The following R3HDM1 variants were observed in gnomAD, a reference collection of about 807,000 sequenced individuals.
R3HDM1 encodes the protein R3H domain containing 1.
R3HDM1 carries 46 observed loss-of-function variants against 141.1 expected under a neutral mutation model. The observed-to-expected ratio is 0.33, with a 90% CI of 0.26 to 0.42. The LOEUF (loss-of-function observed/expected upper bound fraction) is 0.42. Among genes scored for constraint, R3HDM1 ranks in the 10% least tolerant of loss-of-function variants. The probability of loss-of-function intolerance (pLI) is 1.00; values close to 1 mark genes in which losing one functional copy is unlikely to be tolerated. For synonymous variants in R3HDM1, 435 were observed against 472.9 expected (o/e 0.92, Z 1.04); for missense variants, 1,184 against 1,368.3 (o/e 0.87, Z 2.12).
intron 21 of R3HDM1, among the ~76,000 whole-genome samples, chr2:135,683,178 A>G (rs1559426123): frequency 6.6e-6 from 1 of 152,180 alleles, no homozygotes; most frequent in Non-Finnish European, 1.5e-5. Flanking sequence ...TTGTACGTGA[A>G]GCAGGGAATG....
At chr2:135,683,201 G>C (rs1297252305) in intron 21 of R3HDM1, among the ~76,000 whole-genome samples, 2 of 152,116 alleles carry the variant, frequency 1.3e-5, no homozygotes, top group East Asian at 3.9e-4. Flanking sequence ...TATTCTGTCA[G>C]ACTCATCTTG....
intron 24 of R3HDM1, among the ~76,000 whole-genome samples, chr2:135,718,950 A>T (rs926678620): frequency 2.0e-5 from 3 of 152,086 alleles, no homozygotes; most frequent in Non-Finnish European, 4.4e-5. Flanking sequence ...GTTTGAGACC[A>T]GCCTGAAACA....
rs2059710979 is a variant in R3HDM1 at position 135,602,631 on chromosome 2, A to G, written c.-118A>G. ...CACTACAGTTGACATCCTGGCTGAC[A>G]ACTGTGAAAAAGAACCTTGGATTAT... On this transcript the variant is annotated 5_prime_UTR_variant, in exon 2 of 27. Coordinates refer to ENST00000683871, the MANE Select transcript of R3HDM1 (RefSeq NM_001378107.1). 1.3e-6 allele frequency: 2 copies of G among 1,548,242 alleles called. No individual in the cohort carries two copies. The highest frequency in any genetic ancestry group is 2.5e-5 in the East Asian group (1 of 40,790).
At chr2:135,563,307 C>T (rs1162617372) in intron 1 of R3HDM1, among the ~76,000 whole-genome samples, 1 of 152,136 alleles carries the variant, frequency 6.6e-6, no homozygotes, top group African/African-American at 2.4e-5. Flanking sequence ...CAAGAAAAAT[C>T]TTCTTTTTTC....
Position 135,622,543 on chromosome 2 carries a change from T to C in R3HDM1, c.419-111T>C, listed in dbSNP as rs564166039. 3.4e-4 allele frequency: 457 copies of C among 1,359,432 alleles called. 7 individuals carry two copies. The South Asian group carries it at 8.4e-3, about 25-fold the overall frequency. 84.2% of individuals were successfully genotyped at this position (1,359,432 alleles called of 1,614,324 possible). On this transcript the variant is annotated intron_variant, in intron 6 of 26. Transcript: ENST00000683871. ...CTTTTCCTACTTTGTCGAATTTTTT[T>C]CAATGTGGGGCATCTTGTTTTATTT...
At chr2:135,630,143 G>A (rs995406470) in intron 7 of R3HDM1, among the ~76,000 whole-genome samples, 6 of 151,332 alleles carry the variant, frequency 4.0e-5, no homozygotes, top group African/African-American at 1.5e-4. Flanking sequence ...CTGGCGTGGT[G>A]GTGCATGCCT....
intron 11 of R3HDM1, among the ~76,000 whole-genome samples, chr2:135,637,246 G>A (rs944343587): frequency 1.2e-4 from 18 of 152,180 alleles, no homozygotes; most frequent in African/African-American, 4.3e-4. Context: ...GGGAAGGGAT[G>A]GGAGAGTTAG....
chr2:135,662,256 A>T (rs1181380138), intron 19 of R3HDM1, among the ~76,000 whole-genome samples: 2 of 152,210 alleles, frequency 1.3e-5, no homozygotes, highest in East Asian at 3.8e-4. Flanking sequence ...AGGAACCCAT[A>T]ACCTCCACCT....
At chr2:135,608,323 T>C (rs2060254508) in intron 3 of R3HDM1, among the ~76,000 whole-genome samples, 1 of 150,808 alleles carries the variant, frequency 6.6e-6, no homozygotes, top group Non-Finnish European at 1.5e-5. Flanking sequence ...CTCAAAATAA[T>C]AATAATAATA....
At chr2:135,613,298 A>G (rs1052019927) in intron 3 of R3HDM1, among the ~76,000 whole-genome samples, 1 of 152,036 alleles carries the variant, frequency 6.6e-6, no homozygotes, top group Non-Finnish European at 1.5e-5. Flanking sequence ...AGTAAAGGCC[A>G]CTCTGTTCTG....
At chr2:135,709,899 A>G (rs1424683683) in intron 22 of R3HDM1, among the ~76,000 whole-genome samples, 160 bp from the exon 23 acceptor site, 2 of 152,228 alleles carry the variant, frequency 1.3e-5, no homozygotes, top group African/African-American at 4.8e-5. Context: ...TAAACACACA[A>G]TACTTGTAGT....
intron 21 of R3HDM1, among the ~76,000 whole-genome samples, chr2:135,702,217 GAAAAAAAAAAAAAAA>G (rs35183953): frequency 1.7e-5 from 2 of 120,868 alleles, no homozygotes; most frequent in East Asian, 6.6e-4. Flanking sequence ...GTCTCAGGGG[GAAAAAAAAAAAAAAA>G]AAAAAAAAGG....
chr2:135,699,232 C>T (rs2073897437), intron 21 of R3HDM1, among the ~76,000 whole-genome samples: 1 of 152,070 alleles, frequency 6.6e-6, no homozygotes, highest in South Asian at 2.1e-4. Flanking sequence ...TAGAGACAGC[C>T]TTTGAAGAGA....
At chr2:135,555,901 A>G (rs1700666802) in intron 1 of R3HDM1, among the ~76,000 whole-genome samples, 1 of 152,152 alleles carries the variant, frequency 6.6e-6, no homozygotes, top group African/African-American at 2.4e-5. Flanking sequence ...TTGTGGTCCC[A>G]GCTACGTGGG....
chr2:135,533,129 G>A (rs1411575657), intron 1 of R3HDM1, among the ~76,000 whole-genome samples: 2 of 152,090 alleles, frequency 1.3e-5, no homozygotes, highest in African/African-American at 4.8e-5. Flanking sequence ...GGTCCTGGAG[G>A]AAATTTGTGG....
chr2:135,620,214 GAT>G (rs2061409939), intron 5 of R3HDM1: 1 of 839,672 alleles, frequency 1.2e-6, no homozygotes, highest in Non-Finnish European at 1.4e-6. Context: ...TCCCAGCCTG[GAT>G]TTCACTGGGT....
intron 21 of R3HDM1, among the ~76,000 whole-genome samples, chr2:135,691,629 T>C (rs2072396596): frequency 6.6e-6 from 1 of 151,852 alleles, no homozygotes; most frequent in Non-Finnish European, 1.5e-5. Flanking sequence ...AGATTTTCTT[T>C]TTAAATTAAA....
intron 1 of R3HDM1, among the ~76,000 whole-genome samples, chr2:135,585,198 C>G (rs1424389072): frequency 6.6e-6 from 1 of 152,052 alleles, no homozygotes; most frequent in African/African-American, 2.4e-5. Context: ...TTGTGGATTT[C>G]TATGTATTTT....
At chr2:135,560,687 A>T (rs898164329) in intron 1 of R3HDM1, among the ~76,000 whole-genome samples, 2 of 152,244 alleles carry the variant, frequency 1.3e-5, no homozygotes, top group African/African-American at 4.8e-5. Context: ...AATAAAAAAT[A>T]TACAAGTTGT....
Sources: gnomAD v4.1 joint callset for allele counts (sites outside exome capture counted in the v4.1 genomes callset) on GRCh38, gnomAD v4.1.1 for gene constraint, MANE v1.5 for transcripts, NCBI Gene and HGNC (gene_info 2026-07-23, HGNC 2026-07-21) for gene names.